GRK3: variants seen among roughly 807,000 people sequenced by gnomAD.
GRK3 encodes G protein-coupled receptor kinase 3.
In GRK3, 54 loss-of-function variants were observed where a neutral mutation model predicts 95.7. The ratio of observed to expected loss-of-function variants is 0.56; its 90% confidence interval spans 0.45 to 0.71. GRK3 has a LOEUF of 0.71. Among genes scored for constraint, GRK3 ranks in the 30% least tolerant of loss-of-function variants. The probability of loss-of-function intolerance (pLI) is 0.00; values close to 1 mark genes in which losing one functional copy is unlikely to be tolerated. For missense variants in GRK3, 649 were observed against 851.2 expected (o/e 0.76, Z 2.96); for synonymous variants, 281 against 290.8 (o/e 0.97, Z 0.34).
chr22:25,647,214 TGCA>T, intron 3 of GRK3: 1 of 145,752 alleles, frequency 6.9e-6, no homozygotes, highest in Non-Finnish European at 1.3e-5. Context: ...CACCCGGAGC[TGCA>T]GCAGCAGCGA....
At chr22:25,594,537 G>A (rs928080630) in intron 1 of GRK3, among the ~76,000 whole-genome samples, 1 of 152,124 alleles carries the variant, frequency 6.6e-6, no homozygotes, top group Non-Finnish European at 1.5e-5. Context: ...TGGGAGGCAA[G>A]GTTGGTTCAA....
At chr22:25,596,011 C>T (rs2084370049) in intron 1 of GRK3, among the ~76,000 whole-genome samples, 2 of 152,092 alleles carry the variant, frequency 1.3e-5, no homozygotes, top group Non-Finnish European at 2.9e-5. Flanking sequence ...TGTTCTACTT[C>T]AAGGAAGATG....
rs202119424 is a variant in GRK3 at position 25,672,287 on chromosome 22, C to T, written c.504-9C>T. The T allele has an allele frequency of 3.0e-6, 4 of 1,333,546 alleles. No individual in the cohort carries two copies. Among genetic ancestry groups the T allele is most frequent in the Admixed American group, 1.9e-5 (1 of 51,696 alleles). 82.6% of individuals were successfully genotyped at this position (1,333,546 alleles called of 1,614,324 possible). On this transcript the variant is annotated splice_polypyrimidine_tract_variant and intron_variant, in intron 6 of 20. Transcript: ENST00000324198. Reference sequence around the variant, plus strand: ...TTAACTTTTTAGTAATTATTTTATTCTCTTTTAGTGACAAGTTCACTAGAT... The same window carrying T: ...TTAACTTTTTAGTAATTATTTTATTTTCTTTTAGTGACAAGTTCACTAGAT...
In GRK3 at chr22:25,565,169, G is replaced by T; in HGVS notation, c.113+16G>T. ...CGGAGCCCAGGTACCAGCTGCCCCG[G>T]CCGGCGCCGGCCCCAAGCCGCCGCC... is the stretch of plus-strand genomic sequence containing the variant. On this transcript the variant is annotated intron_variant, in intron 1 of 20. Transcript: ENST00000324198. The T allele has an allele frequency of 7.0e-7, 1 of 1,423,252 alleles. No individual in the cohort carries two copies. Among genetic ancestry groups the T allele is most frequent in the Non-Finnish European group, 9.4e-7 (1 of 1,062,942 alleles). The allele number at this position is 1,423,252 out of a possible 1,614,324, so 88.2% of individuals were successfully genotyped here.
At chr22:25,594,916 A>C (rs904830194) in intron 1 of GRK3, among the ~76,000 whole-genome samples, 1 of 152,110 alleles carries the variant, frequency 6.6e-6, no homozygotes, top group Non-Finnish European at 1.5e-5. Flanking sequence ...AAATAAAAAC[A>C]AAACCATATG....
At chr22:25,694,524 G>T (rs2085191128) in intron 12 of GRK3, among the ~76,000 whole-genome samples, 1 of 152,202 alleles carries the variant, frequency 6.6e-6, no homozygotes, top group Admixed American at 6.5e-5. Context: ...TTGACCTTCT[G>T]CAGCTTTTGA....
At chr22:25,653,424 T>C (rs2084848342) in intron 3 of GRK3, among the ~76,000 whole-genome samples, 1 of 152,184 alleles carries the variant, frequency 6.6e-6, no homozygotes, top group Non-Finnish European at 1.5e-5. Flanking sequence ...TAAAGATATG[T>C]TTCTTAATGA....
intron 13 of GRK3, among the ~76,000 whole-genome samples, chr22:25,700,271 C>T (rs1258716800): frequency 2.6e-5 from 4 of 152,310 alleles, no homozygotes; most frequent in South Asian, 2.1e-4. Flanking sequence ...TACTTAAGAG[C>T]GTCTGTGTAG....
intron 17 of GRK3, among the ~76,000 whole-genome samples, chr22:25,711,731 G>T (rs1002125485): frequency 7.9e-5 from 12 of 152,124 alleles, no homozygotes; most frequent in African/African-American, 2.7e-4. Context: ...GGGTCAAAGT[G>T]TATCACTACA....
At chr22:25,568,359 A>G (rs778247507) in intron 1 of GRK3, among the ~76,000 whole-genome samples, 1 of 152,024 alleles carries the variant, frequency 6.6e-6, no homozygotes, top group Non-Finnish European at 1.5e-5. Flanking sequence ...TTGAAATCAC[A>G]TATAGTTGAA....
chr22:25,601,204 A>G (rs2084407476), intron 1 of GRK3, among the ~76,000 whole-genome samples: 1 of 152,210 alleles, frequency 6.6e-6, no homozygotes, highest in South Asian at 2.1e-4. Context: ...ACAGCAGCAT[A>G]CACATTCCCT....
chr22:25,692,821 G>A (rs1348491265), intron 12 of GRK3, among the ~76,000 whole-genome samples: 11 of 152,174 alleles, frequency 7.2e-5, no homozygotes, highest in Non-Finnish European at 1.5e-4. Context: ...TACTCTTTAC[G>A]CTGTGTGGAT....
In GRK3 at chr22:25,667,229, T is replaced by A. The variant is rs375344839; in HGVS notation, c.442-510T>A. 2.4e-4 allele frequency among the ~76,000 whole-genome samples: 37 copies of A among 152,266 alleles called. 1 individual carries two copies. The highest frequency in any genetic ancestry group is 1.9e-3 in the South Asian group (9 of 4,820). On this transcript the variant is annotated intron_variant, in intron 5 of 20. Transcript: ENST00000324198. ...AAATAAAATAGCTAATTAAAAAAAA[T>A]TTCACTTCATGGACCTATTAGCTTT...
intron 1 of GRK3, among the ~76,000 whole-genome samples, chr22:25,595,973 A>G (rs1008340691): frequency 6.6e-6 from 1 of 152,214 alleles, no homozygotes; most frequent in African/African-American, 2.4e-5. Flanking sequence ...TGTAATACAC[A>G]TGTATACGTG....
intron 6 of GRK3, among the ~76,000 whole-genome samples, chr22:25,671,482 A>C (rs2084982966): frequency 6.6e-6 from 1 of 152,238 alleles, no homozygotes; most frequent in African/African-American, 2.4e-5. Context: ...CAAGCAGTTG[A>C]GTGAATTGTG....
intron 3 of GRK3, among the ~76,000 whole-genome samples, chr22:25,659,423 T>C (rs2084895602): frequency 6.6e-6 from 1 of 152,178 alleles, no homozygotes; most frequent in South Asian, 2.1e-4. Context: ...AAGTGCTTGC[T>C]CTTAGGGCTC....
rs1288299629 is a variant in GRK3, at chr22:25,588,300, C to A, written c.114-16077C>A. Among the ~76,000 whole-genome samples the A allele has an allele frequency of 9.2e-5, 14 of 152,200 alleles. 2 individuals carry two copies. The East Asian group carries it at 2.7e-3, about 29-fold the overall frequency. ...TCTAGTTATATTGCAAAGAAAAAGG[C>A]ATTAAAACAGAATGTGGATTATCAA... On this transcript the variant is annotated intron_variant, in intron 1 of 20. Transcript: ENST00000324198.
At chr22:25,696,921 T>TA (rs1176007763) in intron 13 of GRK3, among the ~76,000 whole-genome samples, 2 of 152,240 alleles carry the variant, frequency 1.3e-5, no homozygotes, top group Admixed American at 6.5e-5. Context: ...TTAGAGAGTT[T>TA]ATCTAAGCAA....
At chr22:25,662,119 A>G (rs2084913299) in intron 4 of GRK3, among the ~76,000 whole-genome samples, 1 of 152,198 alleles carries the variant, frequency 6.6e-6, no homozygotes, top group South Asian at 2.1e-4. Flanking sequence ...ATAGTTCAAT[A>G]GCAGTTGTAA....
Sources: allele counts gnomAD v4.1 joint callset (sites outside exome capture counted in the v4.1 genomes callset), GRCh38; gene constraint gnomAD v4.1.1; transcripts MANE v1.5; gene names NCBI Gene and HGNC (gene_info 2026-07-23, HGNC 2026-07-21).